Variants in OTUD4 observed in about 807,000 individuals in gnomAD.
OTUD4 encodes the protein OTU domain-containing protein 4.
OTUD4 carries 24 observed loss-of-function variants against 130.4 expected under a neutral mutation model. The observed-to-expected ratio is 0.18, with a 90% CI of 0.13 to 0.26. The LOEUF (loss-of-function observed/expected upper bound fraction) is 0.26, where lower values mean the gene tolerates loss of function less well. Among genes scored for constraint, OTUD4 ranks in the 10% least tolerant of loss-of-function variants. The pLI is 1.00. For missense variants in OTUD4, 1,031 were observed against 1,329.4 expected, an observed-to-expected ratio of 0.78 and a Z score of 3.49; for synonymous variants, 420 against 472.5, an observed-to-expected ratio of 0.89 and a Z score of 1.44.
At chr4:145,177,117 G>A (rs1441502571) in intron 1 of OTUD4, among the ~76,000 whole-genome samples, 1 of 152,180 alleles carries the variant, frequency 6.6e-6, no homozygotes, top group Non-Finnish European at 1.5e-5. Context: ...TTTCACAGAA[G>A]CTATGTTAGA....
intron 14 of OTUD4, among the ~76,000 whole-genome samples, chr4:145,145,197 G>A (rs1293092117): frequency 6.6e-6 from 1 of 152,154 alleles, no homozygotes; most frequent in Non-Finnish European, 1.5e-5. Context: ...ACTGAAAAAT[G>A]CATAATGGTA....
intron 1 of OTUD4, among the ~76,000 whole-genome samples, chr4:145,177,895 T>C (rs903089580): frequency 6.6e-6 from 1 of 152,206 alleles, no homozygotes; most frequent in Non-Finnish European, 1.5e-5. Flanking sequence ...AAATTATTGG[T>C]ACACATTTTA....
chr4:145,174,799 C>G, intron 1 of OTUD4, 55 bp from the exon 2 acceptor site: 1 of 918,010 alleles, frequency 1.1e-6, no homozygotes, highest in Admixed American at 1.8e-5. Context: ...AAGTTACAAC[C>G]TAATGTCTTC....
intron 7 of OTUD4, among the ~76,000 whole-genome samples, chr4:145,158,200 T>G (rs942721396): frequency 6.6e-6 from 1 of 152,126 alleles, no homozygotes; most frequent in African/African-American, 2.4e-5. Flanking sequence ...TCAAGAGATA[T>G]ACAGGCTGGG....
intron 3 of OTUD4, among the ~76,000 whole-genome samples, chr4:145,166,524 A>G (rs1751884951): frequency 2.0e-5 from 3 of 152,004 alleles, no homozygotes; most frequent in African/African-American, 7.2e-5. Flanking sequence ...AAAGTCCCTA[A>G]GATTCCTACA....
chr4:145,144,219 ACTTAAAAAGGGTT>A, intron 15 of OTUD4, 79 bp downstream of exon 15: 1 of 1,388,934 alleles, frequency 7.2e-7, no homozygotes, highest in South Asian at 1.3e-5. Flanking sequence ...CTACTTAACA[ACTTAAAAAGGGTT>A]CTTTCCCAAA....
chr4:145,141,289 G>T, intron 19 of OTUD4, 90 bp downstream of exon 19: 1 of 1,041,440 alleles, frequency 9.6e-7, no homozygotes, highest in Non-Finnish European at 1.3e-6. Context: ...TAAGAAACCA[G>T]ACCTCTGACC....
Position 145,137,748 on chromosome 4 carries a change from G to C in OTUD4, c.3027C>G (p.Ala1009=), listed in dbSNP as rs145341625. 5 of 1,613,624 alleles carry C rather than the reference G, an allele frequency of 3.1e-6. No individual in the cohort carries two copies. The East Asian group carries it at 1.1e-4, about 36-fold the overall frequency. The change falls in exon 21 of 21, where the codon GCC becomes GCG. Residue 1009 remains alanine, a synonymous_variant. Coordinates refer to ENST00000447906, the MANE Select transcript of OTUD4 (RefSeq NM_001366057.1). ...KTAADVVSPG[A]NSVDSRVQRP... ...TTTGCACTCTGCTATCAACAGAGTT[G>C]GCCCCAGGGCTGACCACATCAGCAG... is the stretch of plus-strand genomic sequence containing the variant.
chr4:145,157,694 A>AG (rs1418159304), intron 7 of OTUD4, among the ~76,000 whole-genome samples: 1 of 150,132 alleles, frequency 6.7e-6, no homozygotes, highest in African/African-American at 2.5e-5. Flanking sequence ...CAAAAAAAAA[A>AG]AAAAAAAAAA....
intron 6 of OTUD4, among the ~76,000 whole-genome samples, chr4:145,160,618 GC>G (rs1339803596): frequency 3.3e-5 from 5 of 152,120 alleles, no homozygotes; most frequent in Admixed American, 6.5e-5. Context: ...TTCAAGACCA[GC>G]CTGGCCAACA....
chr4:145,151,123 AAGAC>A (rs946808795), intron 11 of OTUD4, among the ~76,000 whole-genome samples: 1 of 152,204 alleles, frequency 6.6e-6, no homozygotes, highest in Non-Finnish European at 1.5e-5. Flanking sequence ...ATTTTAAAAA[AAGAC>A]AGTTGAATCA....
rs79664844 is a variant in OTUD4, at chr4:145,148,125, C to T, written c.1260-1696G>A. On this transcript the variant is annotated intron_variant, in intron 13 of 20. Coordinates refer to ENST00000447906, the MANE Select transcript of OTUD4 (RefSeq NM_001366057.1). ...TGTCACACACCATCAAGTATTTTTA[C>T]ATACCAAGTAACACATATAGCTAAC... is the stretch of plus-strand genomic sequence containing the variant. 4.4e-3 allele frequency among the ~76,000 whole-genome samples: 670 copies of T among 152,300 alleles called. 3 individuals are homozygous for T. Among genetic ancestry groups the T allele is most frequent in the African/African-American group, 0.015 (615 of 41,556 alleles).
chr4:145,162,431 G>A (rs1408110958), intron 6 of OTUD4, among the ~76,000 whole-genome samples: 3 of 151,874 alleles, frequency 2.0e-5, no homozygotes, highest in South Asian at 2.1e-4. Context: ...GCGGGCGCCC[G>A]TAGTCCCAGC....
In OTUD4 at chr4:145,142,306, T is replaced by A; in HGVS notation, c.1712A>T (p.Asn571Ile). The stretch of plus-strand genomic sequence containing the variant: ...TGGAGAAACTAGAAGGGGAGCTGGA[T>A]TTGACAAAGACACATGTTCTGCTGG... ...QKPAEHVSLS[N>I]PAPLLVSPEV... The change falls in exon 18 of 21, where the codon AAT (asparagine) becomes ATT (isoleucine). Residue 571 changes from asparagine (N) to isoleucine (I), a missense_variant. Physicochemically the swap from Asn to Ile is moderately radical, Grantham distance 149. Coordinates refer to ENST00000447906, the MANE Select transcript of OTUD4 (RefSeq NM_001366057.1). 6.2e-7 allele frequency: 1 copy of A among 1,613,966 alleles called. No individual in the cohort carries two copies. The highest frequency in any genetic ancestry group is 1.3e-5 in the African/African-American group (1 of 75,012).
At chr4:145,169,398 A>G (rs1388941465) in intron 3 of OTUD4, among the ~76,000 whole-genome samples, 3 of 152,262 alleles carry the variant, frequency 2.0e-5, no homozygotes, top group Non-Finnish European at 2.9e-5. Flanking sequence ...TGAGAACTGG[A>G]TGAAGCAACT....
In OTUD4 at chr4:145,138,434, G is replaced by C; in HGVS notation, c.2341C>G (p.Pro781Ala). 6.2e-7 allele frequency: 1 copy of C among 1,614,178 alleles called. No individual in the cohort carries two copies. The highest frequency in any genetic ancestry group is 1.1e-5 in the South Asian group (1 of 91,076). The change falls in exon 21 of 21, where the codon CCA becomes GCA. Residue 781 changes from proline (P) to alanine (A), a missense_variant. Pro to Ala is a conservative substitution (Grantham distance 27). Transcript: ENST00000447906. ...QTEASVNGQM[P>A]QPEIGPPTFS... ...GTCGGCGGTCCAATCTCTGGCTGTGGCATTTGACCATTAACACTGGCCTCA... is the reference window on the plus strand; with the variant it reads ...GTCGGCGGTCCAATCTCTGGCTGTGCCATTTGACCATTAACACTGGCCTCA...
Position 145,146,296 on chromosome 4 carries a change from T to C in OTUD4, c.1393A>G (p.Arg465Gly). The change falls in exon 14 of 21, where the codon AGA (arginine) becomes GGA (glycine). Residue 465 changes from arginine (R) to glycine (G), a missense_variant. Physicochemically the swap from Arg to Gly is moderately radical, Grantham distance 125 (BLOSUM62 -2). Around this residue, in one of 3 missense-constraint regions of OTUD4, gnomAD observed 900 missense variants for 1,095.9 expected, o/e 0.82. Transcript: ENST00000447906. The stretch of plus-strand genomic sequence containing the variant: ...AGGGCTGGGAAAGCCTGTTCATCTC[T>C]GTTCTGAATCTCATAGAGTAAACGG... ...ESRLLYEIQN[R>G]DEQAFPALSS... 6.4e-7 allele frequency: 1 copy of C among 1,574,160 alleles called. No individual in the cohort carries two copies. The highest frequency in any genetic ancestry group is 8.6e-7 in the Non-Finnish European group (1 of 1,164,914).
intron 7 of OTUD4, among the ~76,000 whole-genome samples, chr4:145,156,915 A>G (rs1751322970): frequency 6.6e-6 from 1 of 152,172 alleles, no homozygotes. Flanking sequence ...AAGCAGATCA[A>G]AAATACAGTA....
chr4:145,175,900 T>G (rs960306529), intron 1 of OTUD4, among the ~76,000 whole-genome samples: 6 of 151,838 alleles, frequency 4.0e-5, no homozygotes, highest in Middle Eastern at 3.4e-3. Flanking sequence ...CAATTCTTTT[T>G]TCCCCCACCA....
Sources: gnomAD v4.1 joint callset for allele counts (sites outside exome capture counted in the v4.1 genomes callset) on GRCh38, gnomAD v4.1.1 for gene constraint, gnomAD v4.1.1 regional missense constraint, MANE v1.5 for transcripts, NCBI Gene and HGNC (gene_info 2026-07-23, HGNC 2026-07-21) for gene names.